SIGLEC7: variants seen among roughly 807,000 people sequenced by gnomAD.
The protein encoded by SIGLEC7 is sialic acid-binding Ig-like lectin 7.
Under a neutral mutation model 40.8 loss-of-function variants are expected in SIGLEC7, and 33 were observed. The ratio of observed to expected loss-of-function variants is 0.81; its 90% CI spans 0.61 to 1.08. The LOEUF (loss-of-function observed/expected upper bound fraction) is 1.08. SIGLEC7 is among the 50% of genes least tolerant of loss of function. SIGLEC7 has a pLI of 0.00. For synonymous variants in SIGLEC7, 242 were observed against 237.6 expected, an observed-to-expected ratio of 1.02 and a Z score of -0.17; for missense variants, 513 against 576.1, an observed-to-expected ratio of 0.89 and a Z score of 1.12.
intron 2 of SIGLEC7, 23 bp from the exon 3 acceptor site, chr19:51,144,889 G>A (rs2092097180): frequency 1.2e-6 from 2 of 1,613,346 alleles, no homozygotes; most frequent in Non-Finnish European, 8.5e-7. Context: ...AGTGATGCAG[G>A]TCTCCATGTC....
intron 1 of SIGLEC7, chr19:51,144,031 A>T: frequency 1.8e-6 from 1 of 546,410 alleles, no homozygotes; most frequent in Non-Finnish European, 3.6e-6. Flanking sequence ...CAAATGGAAA[A>T]GTGCAGGAGA....
chr19:51,142,487 A>G lies in SIGLEC7; in HGVS notation c.118A>G (p.Met40Val), dbSNP rs1246874978. The G allele has an allele frequency of 1.2e-6, 2 of 1,614,034 alleles. No individual in the cohort carries two copies. The highest frequency in any genetic ancestry group is 1.7e-6 in the Non-Finnish European group (2 of 1,180,036). Residue 40 changes from methionine to valine, a missense_variant, in exon 1 of 7, where the codon ATG becomes GTG. Physicochemically the swap from Met to Val is conservative, Grantham distance 21. Transcript: ENST00000317643. This position sits in a 1 kb window ranked among gnomAD's most constrained non-coding sequence, Gnocchi z 5.0. ...MQSSVTVQEG[M>V]CVHVRCSFSY... The stretch of plus-strand genomic sequence containing the variant: ...GAGTTCCGTGACCGTGCAAGAGGGC[A>G]TGTGTGTCCATGTGCGCTGCTCCTT...
chr19:51,143,623 C>T (rs61241824), intron 1 of SIGLEC7, among the ~76,000 whole-genome samples: 2 of 152,092 alleles, frequency 1.3e-5, no homozygotes, highest in Non-Finnish European at 2.9e-5. Flanking sequence ...GTTTCTCTTT[C>T]GTGCTGGGTT....
chr19:51,145,761 A>G lies in SIGLEC7; in HGVS notation c.761-94A>G. On this transcript the variant is annotated intron_variant, in intron 3 of 6. Transcript: ENST00000317643. The surrounding 1 kb of genome is among the most constrained non-coding windows in gnomAD (Gnocchi z 4.3). Reference sequence around the variant, plus strand: ...TAAGTATGTCCCTGCACCAGCCTACATCACTCTCTGTTCCATTCCCCAGTC... The same window carrying G: ...TAAGTATGTCCCTGCACCAGCCTACGTCACTCTCTGTTCCATTCCCCAGTC... The G allele has an allele frequency of 1.4e-6, 2 of 1,441,694 alleles. No individual in the cohort carries two copies. The highest frequency in any genetic ancestry group is 1.9e-6 in the Non-Finnish European group (2 of 1,045,474). 89.3% of individuals were successfully genotyped at this position (1,441,694 alleles called of 1,614,324 possible). A position where few individuals can be genotyped will look rare whatever the true frequency, so the allele number is the denominator to read the frequency against.
chr19:51,147,300 A>T lies in SIGLEC7; in HGVS notation c.1204A>T (p.Arg402Trp). The change falls in exon 6 of 7, where the codon AGG (arginine) becomes TGG (tryptophan). Residue 402 changes from arginine to tryptophan, a missense_variant. Coordinates refer to ENST00000317643, the MANE Select transcript of SIGLEC7 (RefSeq NM_014385.4). ...DIGMKDANTIRGSASQGNLTE... is the reference protein window; with the variant it reads ...DIGMKDANTIWGSASQGNLTE... ...AGGCATGAAGGATGCAAACACCATC[A>T]GGGGCTCAGCCTCTCAGGTGAGTGA... The T allele has an allele frequency of 1.2e-6, 2 of 1,610,710 alleles. No homozygotes were observed. Among genetic ancestry groups the T allele is most frequent in the Non-Finnish European group, 1.7e-6 (2 of 1,177,796 alleles).
chr19:51,146,940 A>G (rs560861412), intron 5 of SIGLEC7, 90 bp downstream of exon 5: 8 of 1,325,176 alleles, frequency 6.0e-6, no homozygotes, highest in African/African-American at 5.8e-5. Flanking sequence ...AAGGGACTGC[A>G]TGGGTCAAGA....
At position 51,142,647 on chromosome 19, in the gene SIGLEC7, A is replaced by G. The variant is rs754843214; in HGVS notation, c.278A>G (p.Asp93Gly). ...TGGGCAGTGCAGGAGGAAACTCGGG[A>G]CCGATTCCACCTCCTTGGGGACCCA... ...PAWAVQEETR[D>G]RFHLLGDPQT... The change falls in exon 1 of 7, where the codon GAC becomes GGC. Residue 93 changes from aspartate (D) to glycine (G), a missense_variant. Transcript: ENST00000317643. This position sits in a 1 kb window ranked among gnomAD's most constrained non-coding sequence, Gnocchi z 5.0. 11 of 1,614,146 alleles carry G rather than the reference A, an allele frequency of 6.8e-6. No homozygotes were observed. The South Asian group carries it at 1.2e-4, about 18-fold the overall frequency.
In SIGLEC7 at chr19:51,144,950, G is replaced by A. The variant is rs758116410; in HGVS notation, c.751G>A (p.Glu251Lys). 1.9e-6 allele frequency: 3 copies of A among 1,613,964 alleles called. No individual in the cohort carries two copies. In the East Asian group the frequency reaches 6.7e-5, roughly 36 times the overall value. The change falls in exon 3 of 7, where the codon GAA becomes AAA. Residue 251 changes from glutamate (E) to lysine (K), a missense_variant. Coordinates refer to ENST00000317643, the MANE Select transcript of SIGLEC7 (RefSeq NM_014385.4). ...CTTGACTGTGACTGTCTTCCAAGGA[G>A]AAGGCACAGGTAGGATGGAGCCCCC... ...QNLTVTVFQG[E>K]GTASTALGNS...
In SIGLEC7 at chr19:51,145,601, T is replaced by A. The variant is rs963303622; in HGVS notation, c.761-254T>A. On this transcript the variant is annotated intron_variant, in intron 3 of 6. Transcript: ENST00000317643. The surrounding 1 kb of genome is among the most constrained non-coding windows in gnomAD (Gnocchi z 4.3). ...GTTGTATCTACTCCCACAAGGAATA[T>A]CTAAGTGTATAGGATAAATTCCTAA... 1.3e-5 allele frequency among the ~76,000 whole-genome samples: 2 copies of A among 152,226 alleles called. No homozygotes were observed. The highest frequency in any genetic ancestry group is 4.8e-5 in the African/African-American group (2 of 41,452).
chr19:51,146,244 T>A (rs1418534322), intron 4 of SIGLEC7, 123 bp downstream of exon 4: 20 of 1,308,060 alleles, frequency 1.5e-5, no homozygotes, highest in Non-Finnish European at 2.1e-5. Context: ...GGCCTGGAAC[T>A]TCCCTGCAAC....
Position 51,147,302 on chromosome 19 carries a change from G to A in SIGLEC7, c.1206G>A (p.Arg402=), listed in dbSNP as rs770653289. The change falls in exon 6 of 7, where the codon AGG becomes AGA. Residue 402 remains arginine (R), a synonymous_variant. Coordinates refer to ENST00000317643, the MANE Select transcript of SIGLEC7 (RefSeq NM_014385.4). The part of the protein sequence containing the change: ...DIGMKDANTI[R]GSASQGNLTE... ...GCATGAAGGATGCAAACACCATCAG[G>A]GGCTCAGCCTCTCAGGTGAGTGATA... 1.6e-5 allele frequency: 26 copies of A among 1,610,432 alleles called. No homozygotes were observed. The highest frequency in any genetic ancestry group is 2.7e-5 in the African/African-American group (2 of 74,796).
intron 1 of SIGLEC7, among the ~76,000 whole-genome samples, chr19:51,143,347 C>G (rs555755462): frequency 9.2e-5 from 14 of 152,158 alleles, no homozygotes; most frequent in Admixed American, 5.2e-4. Context: ...ACTCAGCACA[C>G]GGCCCCTCCA....
chr19:51,149,922 T>C (rs1410338047), intron 6 of SIGLEC7, among the ~76,000 whole-genome samples: 1 of 152,170 alleles, frequency 6.6e-6, no homozygotes, highest in Non-Finnish European at 1.5e-5. Context: ...GTGAATGGGA[T>C]TGTGTTCCTA....
chr19:51,151,644 G>A (rs572829028), intron 6 of SIGLEC7, among the ~76,000 whole-genome samples: 3 of 152,330 alleles, frequency 2.0e-5, no homozygotes, highest in Non-Finnish European at 4.4e-5. Context: ...AGAAAAGCAT[G>A]ATGTCCTATA....
At position 51,145,021 on chromosome 19, in the gene SIGLEC7, G is replaced by C; in HGVS notation, c.760+62G>C. ...GGGCCTTCAGCTCAGGGCAGGGCCA[G>C]GTCCCTCCTCATCCTGGACTCACCC... On this transcript the variant is annotated intron_variant, in intron 3 of 6. Transcript: ENST00000317643. This position sits in a 1 kb window ranked among gnomAD's most constrained non-coding sequence, Gnocchi z 4.3. The C allele has an allele frequency of 6.6e-7, 1 of 1,508,464 alleles. No homozygotes were observed. Among genetic ancestry groups the C allele is most frequent in the Non-Finnish European group, 9.2e-7 (1 of 1,084,236 alleles). 93.4% of individuals were successfully genotyped at this position (1,508,464 alleles called of 1,614,324 possible). A position where few individuals can be genotyped will look rare whatever the true frequency, so the allele number is the denominator to read the frequency against.
chr19:51,144,983 G>A (rs1453220562), intron 3 of SIGLEC7, 24 bp downstream of exon 3: 1 of 1,612,300 alleles, frequency 6.2e-7, no homozygotes, highest in Non-Finnish European at 8.5e-7. Flanking sequence ...CCCTCCCTGG[G>A]GCTGGGGGAG....
chr19:51,142,399 C>T lies in SIGLEC7; in HGVS notation c.30C>T (p.Leu10=). The change falls in exon 1 of 7, where the codon CTC becomes CTT. Residue 10 remains leucine (L), a synonymous_variant. Transcript: ENST00000317643. The surrounding 1 kb of genome is among the most constrained non-coding windows in gnomAD (Gnocchi z 5.0). The part of the protein sequence containing the change: MLLLLLLPL[L]WGRERVEGQK... ...TGCTGCTGCTGCTGCTGCCCCTGCT[C>T]TGGGGGAGGGAGAGGGTGGAAGGAC... The T allele has an allele frequency of 6.2e-7, 1 of 1,614,040 alleles. No homozygotes were observed. The highest frequency in any genetic ancestry group is 8.5e-7 in the Non-Finnish European group (1 of 1,179,956).
intron 1 of SIGLEC7, 111 bp from the exon 2 acceptor site, chr19:51,144,295 G>A: frequency 6.6e-7 from 1 of 1,507,784 alleles, no homozygotes; most frequent in Non-Finnish European, 8.8e-7. Context: ...GGAGAGGGCT[G>A]AGGGTGAAGC....
At chr19:51,147,105 T>C (rs2092113520) in intron 5 of SIGLEC7, 116 bp from the exon 6 acceptor site, 1 of 1,488,336 alleles carries the variant, frequency 6.7e-7, no homozygotes, top group Non-Finnish European at 9.1e-7. Context: ...TGGACCACCC[T>C]CCTCCCACCT....
Sources: gnomAD v4.1 joint callset for allele counts (sites outside exome capture counted in the v4.1 genomes callset) on GRCh38, gnomAD v4.1.1 for gene constraint, Gnocchi (gnomAD v3.1) non-coding constraint, MANE v1.5 for transcripts, NCBI Gene and HGNC (gene_info 2026-07-23, HGNC 2026-07-21) for gene names.